FBXO11: variants seen among roughly 807,000 people sequenced by gnomAD.
FBXO11 encodes F-box only protein 11.
A neutral mutation model predicts 117.0 loss-of-function variants in FBXO11; 13 were observed. The observed-to-expected ratio is 0.11, with a 90% confidence interval of 0.07 to 0.18. FBXO11 has a LOEUF of 0.18. Among genes scored for constraint, FBXO11 ranks in the 10% least tolerant of loss-of-function variants. FBXO11 has a pLI of 1.00. For synonymous variants in FBXO11, 490 were observed against 380.5 expected, an observed-to-expected ratio of 1.29 and a Z score of -3.35; for missense variants, 767 against 1,164.4, an observed-to-expected ratio of 0.66 and a Z score of 4.97.
Position 47,834,698 on chromosome 2 carries a change from A to G in FBXO11, c.815T>C (p.Ile272Thr). ...GRENMLYYDT[I>T]EDALGGVQEA... ...TTGTACCCCACCAAGGGCATCTTCAATAGTATCATAATACTAGAAAAAAAT... is the reference window on the plus strand; with the variant it reads ...TTGTACCCCACCAAGGGCATCTTCAGTAGTATCATAATACTAGAAAAAAAT... Residue 272 changes from isoleucine to threonine, a missense_variant, in exon 7 of 23, where the codon ATT becomes ACT. Ile to Thr is a moderately conservative substitution (Grantham distance 89). Transcript: ENST00000403359. The G allele has an allele frequency of 1.2e-6, 2 of 1,610,306 alleles. No homozygotes were observed. The highest frequency in any genetic ancestry group is 8.5e-7 in the Non-Finnish European group (1 of 1,178,670).
chr2:47,818,407 C>T (rs2104699457), intron 16 of FBXO11: 1 of 169,656 alleles, frequency 5.9e-6, no homozygotes, highest in South Asian at 1.9e-4. Context: ...ATTAATTTTA[C>T]AGAAATAGCA....
chr2:47,879,323 T>C (rs1676262400), intron 1 of FBXO11, among the ~76,000 whole-genome samples: 1 of 152,250 alleles, frequency 6.6e-6, no homozygotes, highest in Non-Finnish European at 1.5e-5. Flanking sequence ...ATTTTTACTC[T>C]GGCAGATATT....
intron 1 of FBXO11, among the ~76,000 whole-genome samples, chr2:47,884,971 G>A (rs1031488957): frequency 4.6e-5 from 7 of 152,054 alleles, no homozygotes; most frequent in African/African-American, 1.7e-4. Context: ...TATTAATGAG[G>A]AAATACATTC....
chr2:47,880,995 C>T lies in FBXO11; in HGVS notation c.232+24494G>A, dbSNP rs182963490. ...TTGGGCCGGGCATGGTGACTCACAC[C>T]TGTAATCCCAGCACTTTGGGAGGCT... On this transcript the variant is annotated intron_variant, in intron 1 of 22. Coordinates refer to ENST00000403359, the MANE Select transcript of FBXO11 (RefSeq NM_001190274.2). 8.5e-5 allele frequency among the ~76,000 whole-genome samples: 13 copies of T among 152,214 alleles called. No individual in the cohort carries two copies. In the East Asian group the frequency reaches 1.3e-3, roughly 16 times the overall value.
intron 13 of FBXO11, among the ~76,000 whole-genome samples, chr2:47,821,336 C>T (rs1024125829): frequency 1.3e-5 from 2 of 152,046 alleles, no homozygotes; most frequent in African/African-American, 2.4e-5. Context: ...AATGGCCAGG[C>T]GCGGTGGCTC....
At chr2:47,901,817 C>T (rs914721883) in intron 1 of FBXO11, among the ~76,000 whole-genome samples, 10 of 152,150 alleles carry the variant, frequency 6.6e-5, no homozygotes, top group Non-Finnish European at 1.5e-5. Flanking sequence ...TTCATCAGAA[C>T]GGGCTGCAAA....
At chr2:47,852,544 G>T (rs890739991) in intron 1 of FBXO11, among the ~76,000 whole-genome samples, 2 of 152,124 alleles carry the variant, frequency 1.3e-5, no homozygotes, top group African/African-American at 4.8e-5. Context: ...GCCAATAAAT[G>T]GTAGCAAAAT....
chr2:47,867,583 G>GT lies in FBXO11; in HGVS notation c.233-27815dup, dbSNP rs1181660120. On this transcript the variant is annotated intron_variant, in intron 1 of 22. Transcript: ENST00000403359. Reference sequence around the variant, plus strand: ...ACGACACATATGAAAAAGGTTAAATGTTTTTAGTGATATAGATTTGAGAAA... The same window carrying GT: ...ACGACACATATGAAAAAGGTTAAATGTTTTTTAGTGATATAGATTTGAGAAA... 5.9e-5 allele frequency among the ~76,000 whole-genome samples: 9 copies of GT among 152,242 alleles called. No individual in the cohort carries two copies. The South Asian group carries it at 8.3e-4, about 14-fold the overall frequency.
intron 1 of FBXO11, among the ~76,000 whole-genome samples, chr2:47,899,845 G>A (rs536002364): frequency 8.6e-5 from 13 of 151,856 alleles, no homozygotes; most frequent in South Asian, 2.1e-4. Flanking sequence ...AACAAAATAA[G>A]AGTAACTTTA....
intron 11 of FBXO11, among the ~76,000 whole-genome samples, chr2:47,831,858 C>G (rs942786653): frequency 6.6e-6 from 1 of 152,110 alleles, no homozygotes; most frequent in African/African-American, 2.4e-5. Flanking sequence ...TATTAAAGTT[C>G]TGCCAGTTTA....
At chr2:47,895,615 G>A (rs1185029127) in intron 1 of FBXO11, among the ~76,000 whole-genome samples, 2 of 152,160 alleles carry the variant, frequency 1.3e-5, no homozygotes, top group South Asian at 2.1e-4. Context: ...AGCTGTACAC[G>A]GATGATTTGT....
At position 47,902,570 on chromosome 2, in the gene FBXO11, T is replaced by C. The variant is rs1402077483; in HGVS notation, c.232+2919A>G. ...ATGTATATACACAAATATACCCACA[T>C]ACACACACACATACACATACACACG... On this transcript the variant is annotated intron_variant, in intron 1 of 22. Transcript: ENST00000403359. 2.6e-5 allele frequency among the ~76,000 whole-genome samples: 4 copies of C among 152,068 alleles called. No homozygotes were observed. The East Asian group carries it at 5.8e-4, about 22-fold the overall frequency.
intron 1 of FBXO11, among the ~76,000 whole-genome samples, chr2:47,849,786 T>C (rs1433163379): frequency 1.3e-5 from 2 of 152,194 alleles, no homozygotes; most frequent in Admixed American, 1.3e-4. Flanking sequence ...TGTGAAGACC[T>C]GAAGGTGCTC....
At chr2:47,897,527 T>A (rs879626336) in intron 1 of FBXO11, among the ~76,000 whole-genome samples, 2 of 151,774 alleles carry the variant, frequency 1.3e-5, no homozygotes, top group Non-Finnish European at 2.9e-5. Flanking sequence ...GGAAACCCCG[T>A]CTCTACTGAA....
intron 1 of FBXO11, among the ~76,000 whole-genome samples, chr2:47,843,406 A>C (rs1314981505): frequency 6.8e-6 from 1 of 148,042 alleles, no homozygotes; most frequent in Non-Finnish European, 1.5e-5. Context: ...ATGTGCTGAA[A>C]TCTCCCACCA....
intron 16 of FBXO11, among the ~76,000 whole-genome samples, chr2:47,815,274 A>G (rs945101055): frequency 3.9e-5 from 6 of 152,254 alleles, no homozygotes; most frequent in African/African-American, 1.4e-4. Flanking sequence ...CGGGAAACCC[A>G]GCAAAGCCGC....
chr2:47,850,615 T>C (rs1450257428), intron 1 of FBXO11, among the ~76,000 whole-genome samples: 1 of 152,222 alleles, frequency 6.6e-6, no homozygotes, highest in East Asian at 1.9e-4. Context: ...TGTCCACAGA[T>C]TCATGAATTT....
intron 13 of FBXO11, among the ~76,000 whole-genome samples, chr2:47,821,515 C>G (rs1325710140): frequency 6.6e-6 from 1 of 151,514 alleles, no homozygotes; most frequent in Non-Finnish European, 1.5e-5. Context: ...GAGGCTGCGG[C>G]AGGAGAATGG....
intron 1 of FBXO11, among the ~76,000 whole-genome samples, chr2:47,873,143 C>T (rs1426105257): frequency 6.6e-6 from 1 of 152,226 alleles, no homozygotes; most frequent in Non-Finnish European, 1.5e-5. Flanking sequence ...CTTCTAGCCT[C>T]TTCTTGAAAG....
Sources: allele counts gnomAD v4.1 joint callset (sites outside exome capture counted in the v4.1 genomes callset), GRCh38; gene constraint gnomAD v4.1.1; transcripts MANE v1.5; gene names NCBI Gene and HGNC (gene_info 2026-07-23, HGNC 2026-07-21).